EGFLAM: variants seen among roughly 807,000 people sequenced by gnomAD.
EGFLAM encodes the protein pikachurin.
In EGFLAM, 79 loss-of-function variants were observed where a neutral mutation model predicts 113.1. That is an observed-to-expected ratio of 0.70 (90% confidence interval 0.58 to 0.84). The LOEUF (loss-of-function observed/expected upper bound fraction) is 0.84. Ranked by LOEUF, EGFLAM falls within the 40% of genes least tolerant of loss-of-function variation. EGFLAM has a pLI of 0.00. For missense variants in EGFLAM, 1,265 were observed against 1,291.6 expected, an observed-to-expected ratio of 0.98 and a Z score of 0.32; for synonymous variants, 504 against 487.6, an observed-to-expected ratio of 1.03 and a Z score of -0.44.
At chr5:38,437,619 C>T (rs1022876487) in intron 16 of EGFLAM, among the ~76,000 whole-genome samples, 7 of 152,132 alleles carry the variant, frequency 4.6e-5, no homozygotes, top group Admixed American at 1.3e-4. Context: ...TGGGTCTGGG[C>T]GGGTCTGGGC....
At chr5:38,427,281 TC>T in intron 14 of EGFLAM, 29 bp downstream of exon 14, 1 of 1,604,238 alleles carries the variant, frequency 6.2e-7, no homozygotes. Flanking sequence ...TGGGACTCTT[TC>T]CCTTAAAAAG....
In EGFLAM at chr5:38,317,296, A is replaced by T. The variant is rs550312419; in HGVS notation, c.98-20224A>T. Among the ~76,000 whole-genome samples the T allele has an allele frequency of 6.6e-5, 10 of 152,306 alleles. No homozygotes were observed. The South Asian group carries it at 2.1e-3, about 32-fold the overall frequency. On this transcript the variant is annotated intron_variant, in intron 1 of 21. Coordinates refer to ENST00000322350, the MANE Select transcript of EGFLAM (RefSeq NM_152403.4). ...CTGGGTATCATCTTGTTAAGCCATG[A>T]GATGTTGAGACCGAAACTGCCCAGG...
At chr5:38,426,939 A>G (rs1742028930) in intron 13 of EGFLAM, 70 bp from the exon 14 acceptor site, 1 of 1,575,824 alleles carries the variant, frequency 6.3e-7, no homozygotes, top group African/African-American at 1.3e-5. Context: ...GGGAAAGAAC[A>G]CAGCTATGGG....
chr5:38,422,483 G>A (rs1018578546), intron 12 of EGFLAM, among the ~76,000 whole-genome samples: 5 of 152,150 alleles, frequency 3.3e-5, no homozygotes, highest in African/African-American at 9.7e-5. Flanking sequence ...GTGGTCTGGG[G>A]AAGCCCATGG....
At chr5:38,351,109 CTT>C (rs981908561) in intron 4 of EGFLAM, among the ~76,000 whole-genome samples, 30 of 135,686 alleles carry the variant, frequency 2.2e-4, no homozygotes, top group Admixed American at 2.2e-4. Context: ...AGCAGCACTT[CTT>C]TTTTTTTTTT....
chr5:38,370,415 A>C lies in EGFLAM; in HGVS notation c.665A>C (p.His222Pro). Residue 222 changes from histidine to proline, a missense_variant, in exon 6 of 22, where the codon CAT (histidine) becomes CCT (proline). His to Pro is a moderately conservative substitution (Grantham distance 77). Coordinates refer to ENST00000322350, the MANE Select transcript of EGFLAM (RefSeq NM_152403.4). ...YQFAVRAMNS[H>P]GPSPRSWPSD... ...TTTGCCGTGAGGGCAATGAATTCCCATGGCCCCAGCCCCCGCAGCTGGCCC... is the reference window on the plus strand; with the variant it reads ...TTTGCCGTGAGGGCAATGAATTCCCCTGGCCCCAGCCCCCGCAGCTGGCCC... The C allele has an allele frequency of 6.2e-7, 1 of 1,614,152 alleles. No homozygotes were observed. Among genetic ancestry groups the C allele is most frequent in the Non-Finnish European group, 8.5e-7 (1 of 1,180,034 alleles).
At position 38,464,535 on chromosome 5, in the gene EGFLAM, TGGAA is replaced by T. The variant is rs1255925296; in HGVS notation, c.*553_*556del. 6.6e-6 allele frequency: 1 copy of T among 152,462 alleles called. No homozygotes were observed. Among genetic ancestry groups the T allele is most frequent in the Non-Finnish European group, 1.5e-5 (1 of 68,318 alleles). The allele number at this position is 152,462 out of a possible 1,614,324, so 9.4% of individuals were successfully genotyped here. On this transcript the variant is annotated 3_prime_UTR_variant, in exon 22 of 22. Coordinates refer to ENST00000322350, the MANE Select transcript of EGFLAM (RefSeq NM_152403.4). ...TCTGACTAGTCCATAAAAATAAAGA[TGGAA>T]GGAGATCAAACACAGAATCATAATC... is the stretch of plus-strand genomic sequence containing the variant.
At chr5:38,363,712 CTATATATTTGATGCCTTTAAA>C (rs1739987010) in intron 5 of EGFLAM, among the ~76,000 whole-genome samples, 2 of 151,738 alleles carry the variant, frequency 1.3e-5, no homozygotes, top group Non-Finnish European at 2.9e-5. Context: ...CTTTGTGAAC[CTATATATTTGATGCCTTTAAA>C]AACATCATTC....
At chr5:38,304,993 AT>A (rs2111839391) in intron 1 of EGFLAM, among the ~76,000 whole-genome samples, 1 of 152,294 alleles carries the variant, frequency 6.6e-6, no homozygotes, top group Non-Finnish European at 1.5e-5. Context: ...TTAAAAGGAA[AT>A]TTGGAGAAAT....
At position 38,464,153 on chromosome 5, in the gene EGFLAM, TG is replaced by T; in HGVS notation, c.*170del. 2 of 903,546 alleles carry T rather than the reference TG, an allele frequency of 2.2e-6. No homozygotes were observed. The highest frequency in any genetic ancestry group is 1.9e-5 in the South Asian group (1 of 51,988). 56.0% of individuals were successfully genotyped at this position (903,546 alleles called of 1,614,324 possible). On this transcript the variant is annotated 3_prime_UTR_variant, in exon 22 of 22. Coordinates refer to ENST00000322350, the MANE Select transcript of EGFLAM (RefSeq NM_152403.4). The stretch of plus-strand genomic sequence containing the variant: ...AACTGAGAACCAAGACAGGCATCCC[TG>T]GGTGGCCTTTCCTGCTGACACTCCA...
chr5:38,344,359 G>A (rs1257056923), intron 3 of EGFLAM, among the ~76,000 whole-genome samples: 4 of 151,982 alleles, frequency 2.6e-5, no homozygotes, highest in South Asian at 2.1e-4. Flanking sequence ...GGTGGTGCAC[G>A]CTTGTAATCC....
intron 6 of EGFLAM, among the ~76,000 whole-genome samples, chr5:38,381,088 A>G (rs890240529): frequency 6.6e-6 from 1 of 152,202 alleles, no homozygotes; most frequent in Non-Finnish European, 1.5e-5. Flanking sequence ...ATATCCACAT[A>G]CATATCCACA....
At chr5:38,411,375 C>T (rs940210416) in intron 10 of EGFLAM, among the ~76,000 whole-genome samples, 1 of 151,640 alleles carries the variant, frequency 6.6e-6, no homozygotes, top group Non-Finnish European at 1.5e-5. Flanking sequence ...TTGCAGTGAG[C>T]AGAGATCACA....
chr5:38,400,287 T>A (rs981810815), intron 6 of EGFLAM, among the ~76,000 whole-genome samples: 8 of 152,368 alleles, frequency 5.3e-5, no homozygotes, highest in African/African-American at 7.2e-5. Flanking sequence ...CAGGTTTTTT[T>A]ATAAAATAAA....
intron 1 of EGFLAM, among the ~76,000 whole-genome samples, chr5:38,274,476 A>G (rs868827937): frequency 6.6e-6 from 1 of 152,220 alleles, no homozygotes; most frequent in African/African-American, 2.4e-5. Context: ...CAAATAACAT[A>G]TAAGGGATTT....
chr5:38,362,187 C>G (rs1037032686), intron 5 of EGFLAM, among the ~76,000 whole-genome samples: 1 of 152,172 alleles, frequency 6.6e-6, no homozygotes, highest in African/African-American at 2.4e-5. Context: ...ATCGTTTTCT[C>G]ATCATAAAAG....
At chr5:38,345,575 C>T (rs539504151) in intron 3 of EGFLAM, 5 of 152,314 alleles carry the variant, frequency 3.3e-5, no homozygotes, top group African/African-American at 1.2e-4. Context: ...AAGCACTCAG[C>T]TTCACCCAAA....
chr5:38,417,388 G>A (rs1264259344), intron 11 of EGFLAM, among the ~76,000 whole-genome samples: 2 of 150,090 alleles, frequency 1.3e-5, no homozygotes, highest in Non-Finnish European at 3.0e-5. Flanking sequence ...AAAGGCCAAG[G>A]GTGACTTAAT....
intron 6 of EGFLAM, among the ~76,000 whole-genome samples, chr5:38,392,706 T>TAAA (rs1172832585): frequency 6.6e-6 from 1 of 152,194 alleles, no homozygotes; most frequent in South Asian, 2.1e-4. Flanking sequence ...AATTATACTT[T>TAAA]AAGTTCTAGG....
Sources: allele counts gnomAD v4.1 joint callset (sites outside exome capture counted in the v4.1 genomes callset), GRCh38; gene constraint gnomAD v4.1.1; transcripts MANE v1.5; gene names NCBI Gene and HGNC (gene_info 2026-07-23, HGNC 2026-07-21).